SLC9A7: variants seen among roughly 807,000 people sequenced by gnomAD.
The protein encoded by SLC9A7 is sodium/hydrogen exchanger 7.
Under a neutral mutation model 52.6 loss-of-function variants are expected in SLC9A7, and 19 were observed. That is an observed-to-expected ratio of 0.36 (90% CI 0.25 to 0.53). The LOEUF (loss-of-function observed/expected upper bound fraction) is 0.53, where lower values mean the gene tolerates loss of function less well. Among genes scored for constraint, SLC9A7 ranks in the 20% least tolerant of loss-of-function variants. The pLI, the probability that SLC9A7 is intolerant of heterozygous loss-of-function variation, is 0.91. For missense variants in SLC9A7, 455 were observed against 597.9 expected, an observed-to-expected ratio of 0.76 and a Z score of 2.49; for synonymous variants, 226 against 252.1, an observed-to-expected ratio of 0.90 and a Z score of 0.98.
chrX:46,697,747 T>C lies in SLC9A7; in HGVS notation c.326-15212A>G, dbSNP rs931871809. 1.2e-4 allele frequency among the ~76,000 whole-genome samples: 14 copies of C among 112,314 alleles called. No homozygotes were observed. The East Asian group carries it at 3.6e-3, about 29-fold the overall frequency. On this transcript the variant is annotated intron_variant, in intron 1 of 16. Transcript: ENST00000616978. ...TGAAAAAAGAACAGGATAACAGCAA[T>C]GTTTAGGAAACAAGAGAGAAAACCT...
At chrX:46,639,503 G>A (rs189789315) in intron 12 of SLC9A7, among the ~76,000 whole-genome samples, 79 of 109,403 alleles carry the variant, frequency 7.2e-4, no homozygotes, top group East Asian at 2.3e-3. Context: ...GGCTGGTCTC[G>A]AACTCCTGAC....
At chrX:46,643,959 T>C (rs762740014) in intron 11 of SLC9A7, among the ~76,000 whole-genome samples, 1 of 112,451 alleles carries the variant, frequency 8.9e-6, no homozygotes, top group Non-Finnish European at 1.9e-5. Context: ...TGTGGGTACT[T>C]AGATCAAAGG....
chrX:46,641,484 G>A (rs1943405160), intron 12 of SLC9A7, among the ~76,000 whole-genome samples: 1 of 112,178 alleles, frequency 8.9e-6, no homozygotes, highest in African/African-American at 3.2e-5. Flanking sequence ...AGTAATCTCA[G>A]AGGTCACCAA....
At position 46,604,291 on chromosome X, in the gene SLC9A7, G is replaced by T. The variant is rs1387343042; in HGVS notation, c.*2661C>A. 9.0e-6 allele frequency: 1 copy of T among 111,619 alleles called. No homozygotes were observed. The highest frequency in any genetic ancestry group is 1.9e-5 in the Non-Finnish European group (1 of 53,102). The allele number at this position is 111,619 out of a possible 1,213,427, so 9.2% of individuals were successfully genotyped here. A position where few individuals can be genotyped will look rare whatever the true frequency, so the allele number is the denominator to read the frequency against. ...GGTCTTATTCTTAAGTCCTTCACTA[G>T]CCTAGTTGACCCTGAGGGCTCATGG... On this transcript the variant is annotated 3_prime_UTR_variant, in exon 17 of 17. Coordinates refer to ENST00000616978, the MANE Select transcript of SLC9A7 (RefSeq NM_001257291.2).
rs368646149 is a variant in SLC9A7, at chrX:46,678,412, TTTTA to T, written c.603+1262_603+1265del. Among the ~76,000 whole-genome samples the T allele has an allele frequency of 1.9e-3, 177 of 91,000 alleles. 1 individual carries two copies. The highest frequency in any genetic ancestry group is 6.3e-3 in the African/African-American group (155 of 24,623). 79.0% of individuals were successfully genotyped at this position (91,000 alleles called of 115,157 possible). Reference sequence around the variant, plus strand: ...ATTTGTAAAGATATCTGGCATTTGTTTTTATTTATTTATTTATTTATTTATTTAT... The same window carrying T: ...ATTTGTAAAGATATCTGGCATTTGTTTTTATTTATTTATTTATTTATTTAT... On this transcript the variant is annotated intron_variant, in intron 3 of 16. Transcript: ENST00000616978.
intron 14 of SLC9A7, among the ~76,000 whole-genome samples, chrX:46,626,581 T>A (rs1474137944): frequency 8.9e-6 from 1 of 112,688 alleles, no homozygotes; most frequent in Non-Finnish European, 1.9e-5. Flanking sequence ...GGCCTGGGCC[T>A]GGTATGTTTG....
At chrX:46,663,944 A>C (rs1404358273) in intron 5 of SLC9A7, among the ~76,000 whole-genome samples, 2 of 112,016 alleles carry the variant, frequency 1.8e-5, no homozygotes, top group African/African-American at 6.5e-5. Context: ...GGGCAACAAG[A>C]GTGAAACTCT....
At chrX:46,660,656 C>A (rs1273215246) in intron 7 of SLC9A7, among the ~76,000 whole-genome samples, 1 of 110,565 alleles carries the variant, frequency 9.0e-6, no homozygotes, top group Non-Finnish European at 1.9e-5. Context: ...AAATGCAAAT[C>A]AAAACCACAA....
chrX:46,671,699 T>C (rs941111081), intron 4 of SLC9A7, among the ~76,000 whole-genome samples: 1 of 112,187 alleles, frequency 8.9e-6, no homozygotes, highest in Non-Finnish European at 1.9e-5. Flanking sequence ...TGGTTTTAAG[T>C]GAACAACCAG....
At chrX:46,735,166 C>T (rs1242853988) in intron 1 of SLC9A7, among the ~76,000 whole-genome samples, 2 of 111,564 alleles carry the variant, frequency 1.8e-5, no homozygotes, top group Admixed American at 9.5e-5. Context: ...TCAAAATTTA[C>T]TATCTTGTTA....
At position 46,662,552 on chromosome X, in the gene SLC9A7, G is replaced by C. The variant is rs1178769896; in HGVS notation, c.885C>G (p.Ala295=). 11 of 1,203,413 alleles carry C rather than the reference G, an allele frequency of 9.1e-6. No homozygotes were observed. The highest frequency in any genetic ancestry group is 1.1e-5 in the Non-Finnish European group (10 of 889,231). The change falls in exon 6 of 17, where the codon GCC becomes GCG. Residue 295 remains alanine, a synonymous_variant. Coordinates refer to ENST00000616978, the MANE Select transcript of SLC9A7 (RefSeq NM_001257291.2). ...CTGCTACTTACGAGGACAGTACAAT[G>C]GCAACAGCATCATTTAGGACGCTCT... ...FGESVLNDAV[A]IVLSSSIVAY...
intron 7 of SLC9A7, among the ~76,000 whole-genome samples, chrX:46,660,278 C>T (rs2146809343): frequency 9.0e-6 from 1 of 111,425 alleles, no homozygotes; most frequent in Admixed American, 9.5e-5. Context: ...TAGAAGAAAA[C>T]CTAGGCATTA....
At chrX:46,675,061 ATG>A (rs397895552) in intron 3 of SLC9A7, among the ~76,000 whole-genome samples, 8,654 of 68,568 alleles carry the variant, frequency 0.13, 501 homozygotes, top group Non-Finnish European at 0.19. Context: ...GAGAGAGTGA[ATG>A]TGTGTGTGTG....
chrX:46,722,858 C>T, intron 1 of SLC9A7, among the ~76,000 whole-genome samples: 2 of 112,104 alleles, frequency 1.8e-5, no homozygotes, highest in Non-Finnish European at 3.8e-5. Flanking sequence ...TAGGCCACCA[C>T]ACGGAACCAA....
rs1180498393 is a variant in SLC9A7, at chrX:46,662,538, G to A, written c.899C>T (p.Ser300Leu). 6 of 1,193,213 alleles carry A rather than the reference G, an allele frequency of 5.0e-6. No homozygotes were observed. Among genetic ancestry groups the A allele is most frequent in the Middle Eastern group, 2.3e-4 (1 of 4,321 alleles). ...CTCCAGCAGAAACACTGCTACTTAC[G>A]AGGACAGTACAATGGCAACAGCATC... is the stretch of plus-strand genomic sequence containing the variant. The part of the protein sequence containing the change: ...LNDAVAIVLS[S>L]SIVAYQPAGL... The change falls in exon 6 of 17, where the codon TCG becomes TTG. Residue 300 changes from serine to leucine, a missense_variant and splice_region_variant. By Grantham distance (145) the Ser-to-Leu change is moderately radical. Transcript: ENST00000616978.
At chrX:46,738,999 T>C (rs1921112551) in intron 1 of SLC9A7, among the ~76,000 whole-genome samples, 1 of 111,569 alleles carries the variant, frequency 9.0e-6, no homozygotes, top group Non-Finnish European at 1.9e-5. Flanking sequence ...ACTTACACTA[T>C]AAAAAGTGTT....
chrX:46,738,089 A>G (rs867675716), intron 1 of SLC9A7, among the ~76,000 whole-genome samples: 3 of 67,817 alleles, frequency 4.4e-5, no homozygotes, highest in South Asian at 1.2e-3. Context: ...GAAAGAAAGA[A>G]AGAAAGAAAG....
At chrX:46,658,588 C>T (rs1287707208) in intron 7 of SLC9A7, among the ~76,000 whole-genome samples, 1 of 110,661 alleles carries the variant, frequency 9.0e-6, no homozygotes. Flanking sequence ...GAGAATACTA[C>T]AAACACCTCT....
intron 1 of SLC9A7, among the ~76,000 whole-genome samples, chrX:46,743,431 C>T (rs1301365118): frequency 8.9e-6 from 1 of 112,170 alleles, no homozygotes; most frequent in Non-Finnish European, 1.9e-5. Context: ...CCTGATCAGC[C>T]CTCAATACAG....
Sources: gnomAD v4.1 joint callset for allele counts (sites outside exome capture counted in the v4.1 genomes callset) on GRCh38, gnomAD v4.1.1 for gene constraint, MANE v1.5 for transcripts, NCBI Gene and HGNC (gene_info 2026-07-23, HGNC 2026-07-21) for gene names.